Variants in PRKAG2 observed in about 807,000 individuals in gnomAD.
PRKAG2 encodes protein kinase AMP-activated non-catalytic subunit gamma 2.
Under a neutral mutation model 69.6 loss-of-function variants are expected in PRKAG2, and 26 were observed. The ratio of observed to expected loss-of-function variants is 0.37; its 90% CI spans 0.27 to 0.52. The LOEUF (loss-of-function observed/expected upper bound fraction) is 0.52. Among genes scored for constraint, PRKAG2 ranks in the 20% least tolerant of loss-of-function variants. The pLI is 0.90. For synonymous variants in PRKAG2, 293 were observed against 285.0 expected, an observed-to-expected ratio of 1.03 and a Z score of -0.28; for missense variants, 557 against 740.0, an observed-to-expected ratio of 0.75 and a Z score of 2.87.
intron 3 of PRKAG2, among the ~76,000 whole-genome samples, chr7:151,723,390 T>C (rs1797431764): frequency 6.6e-6 from 1 of 152,186 alleles, no homozygotes; most frequent in Admixed American, 6.5e-5. Context: ...AGACTTTTGT[T>C]CACTTGGCCT....
intron 8 of PRKAG2, 104 bp from the exon 9 acceptor site, chr7:151,572,813 G>T: frequency 5.2e-6 from 4 of 766,038 alleles, no homozygotes; most frequent in Non-Finnish European, 8.3e-6. Flanking sequence ...TTTTCTATTC[G>T]CAATTAGAAA....
chr7:151,692,654 G>C (rs1376196004), intron 3 of PRKAG2, among the ~76,000 whole-genome samples: 2 of 152,120 alleles, frequency 1.3e-5, no homozygotes, highest in Non-Finnish European at 2.9e-5. Flanking sequence ...ATGAGTTCGG[G>C]GGGGTTGTCT....
intron 4 of PRKAG2, among the ~76,000 whole-genome samples, chr7:151,652,289 T>C (rs1181162755): frequency 6.6e-6 from 1 of 152,200 alleles, no homozygotes; most frequent in Non-Finnish European, 1.5e-5. Context: ...CTCGATTTTC[T>C]TCATGTGCTT....
In PRKAG2 at chr7:151,576,393, C is replaced by A; in HGVS notation, c.924G>T (p.Glu308Asp). Residue 308 changes from glutamate to aspartate, a missense_variant, in exon 7 of 16, where the codon GAG (glutamate) becomes GAT (aspartate). By Grantham distance (45) the Glu-to-Asp change is conservative. This residue lies in a region of PRKAG2 where 205 missense variants were observed against 383.4 expected (regional missense o/e 0.53). Coordinates refer to ENST00000287878, the MANE Select transcript of PRKAG2 (RefSeq NM_016203.4). Reference sequence around the variant, plus strand: ...TACCTACAAAACTTTGTTTTTTACTCTCCCACAGTGGCGCTGCTCGGACAC... The same window carrying A: ...TACCTACAAAACTTTGTTTTTTACTATCCCACAGTGGCGCTGCTCGGACAC... ...ANGVRAAPLWESKKQSFVGML... is the reference protein window; with the variant it reads ...ANGVRAAPLWDSKKQSFVGML... 1.2e-6 allele frequency: 2 copies of A among 1,610,964 alleles called. No homozygotes were observed. Among genetic ancestry groups the A allele is most frequent in the Middle Eastern group, 1.7e-4 (1 of 6,056 alleles).
At chr7:151,688,303 C>T (rs1308275504) in intron 3 of PRKAG2, among the ~76,000 whole-genome samples, 2 of 152,142 alleles carry the variant, frequency 1.3e-5, no homozygotes, top group African/African-American at 2.4e-5. Flanking sequence ...GACTAGAGTT[C>T]GAGATTTCAG....
At chr7:151,830,795 G>T (rs1157713404) in intron 1 of PRKAG2, among the ~76,000 whole-genome samples, 2 of 148,610 alleles carry the variant, frequency 1.3e-5, no homozygotes, top group African/African-American at 2.5e-5. Context: ...GGCGGGGGGG[G>T]GTTGTGATGA....
intron 3 of PRKAG2, among the ~76,000 whole-genome samples, chr7:151,752,604 A>C (rs1012636805): frequency 2.0e-5 from 3 of 152,214 alleles, no homozygotes; most frequent in African/African-American, 7.2e-5. Context: ...GAGAAATAAC[A>C]TGGCACTGAA....
chr7:151,561,117 GCTAT>G (rs1335963374), intron 14 of PRKAG2, among the ~76,000 whole-genome samples: 1 of 152,076 alleles, frequency 6.6e-6, no homozygotes, highest in Non-Finnish European at 1.5e-5. Flanking sequence ...AGAGGGGAAA[GCTAT>G]CTATCTCCTG....
chr7:151,616,398 C>T (rs1161478597), intron 5 of PRKAG2, among the ~76,000 whole-genome samples: 1 of 152,218 alleles, frequency 6.6e-6, no homozygotes, highest in African/African-American at 2.4e-5. Flanking sequence ...TTTTAAAACA[C>T]ATATTCAAGG....
intron 1 of PRKAG2, among the ~76,000 whole-genome samples, chr7:151,855,315 ACC>A (rs2079719469): frequency 2.4e-3 from 1 of 412 alleles, no homozygotes; most frequent in Non-Finnish European, 3.7e-3. Context: ...CACACACACC[ACC>A]CTCCCACACA....
Position 151,567,604 on chromosome 7 carries a change from C to T in PRKAG2, c.1233+1112G>A, listed in dbSNP as rs755360793. Reference sequence around the variant, plus strand: ...CAGATGTCCAGTCTGATAAACAATGCGGATGCATCCCTAATCCCTTTTTCC... The same window carrying T: ...CAGATGTCCAGTCTGATAAACAATGTGGATGCATCCCTAATCCCTTTTTCC... On this transcript the variant is annotated intron_variant, in intron 11 of 15. Coordinates refer to ENST00000287878, the MANE Select transcript of PRKAG2 (RefSeq NM_016203.4). The surrounding 1 kb of genome is among the most constrained non-coding windows in gnomAD (Gnocchi z 4.2). Among the ~76,000 whole-genome samples the T allele has an allele frequency of 1.5e-4, 23 of 152,278 alleles. No homozygotes were observed. Among genetic ancestry groups the T allele is most frequent in the South Asian group, 8.3e-4 (4 of 4,824 alleles).
chr7:151,595,550 G>A (rs1042230628), intron 5 of PRKAG2, 96 bp from the exon 6 acceptor site: 3 of 858,236 alleles, frequency 3.5e-6, no homozygotes, highest in Non-Finnish European at 5.8e-6. Context: ...AGACTTAATG[G>A]TAAAATACGA....
chr7:151,674,864 G>A (rs1288830564), intron 4 of PRKAG2: 1 of 163,238 alleles, frequency 6.1e-6, no homozygotes, highest in Non-Finnish European at 1.3e-5. Flanking sequence ...AGAAGCTGAG[G>A]GGAAAAAAAC....
intron 3 of PRKAG2, among the ~76,000 whole-genome samples, chr7:151,690,507 AG>A (rs1718366486): frequency 1.3e-5 from 2 of 152,212 alleles, no homozygotes; most frequent in African/African-American, 4.8e-5. Flanking sequence ...TACTCCACAA[AG>A]GACCCAAGAG....
At chr7:151,804,855 C>T (rs1451351117) in intron 1 of PRKAG2, among the ~76,000 whole-genome samples, 7 of 152,202 alleles carry the variant, frequency 4.6e-5, no homozygotes, top group Non-Finnish European at 8.8e-5. Flanking sequence ...GTTGCGGCTG[C>T]TGTTCATAGA....
In PRKAG2 at chr7:151,843,486, T is replaced by C. The variant is rs1395685457; in HGVS notation, c.114+33021A>G. ...CTTCATTGTTGTTTTCCCAAAAGTT[T>C]CATGAATTATGTCACCAAAAAACTC... On this transcript the variant is annotated intron_variant, in intron 1 of 15. Coordinates refer to ENST00000287878, the MANE Select transcript of PRKAG2 (RefSeq NM_016203.4). 3.3e-5 allele frequency among the ~76,000 whole-genome samples: 5 copies of C among 152,228 alleles called. No individual in the cohort carries two copies. In the East Asian group the frequency reaches 9.6e-4, roughly 29 times the overall value.
chr7:151,689,401 T>C (rs1835299606), intron 3 of PRKAG2, among the ~76,000 whole-genome samples: 1 of 152,128 alleles, frequency 6.6e-6, no homozygotes, highest in South Asian at 2.1e-4. Flanking sequence ...CCTGGAAGTG[T>C]ATCCCAAGCC....
In PRKAG2 at chr7:151,649,942, A is replaced by G. The variant is rs562656776; in HGVS notation, c.685-17804T>C. 2.6e-5 allele frequency among the ~76,000 whole-genome samples: 4 copies of G among 152,324 alleles called. No individual in the cohort carries two copies. In the South Asian group the frequency reaches 6.2e-4, roughly 24 times the overall value. On this transcript the variant is annotated intron_variant, in intron 4 of 15. Transcript: ENST00000287878. ...GTGCTTTTTAAAGGGATATGCAGGTATCTAATTCTACATATCTGGAGGAAA... is the reference window on the plus strand; with the variant it reads ...GTGCTTTTTAAAGGGATATGCAGGTGTCTAATTCTACATATCTGGAGGAAA...
At chr7:151,784,780 G>A (rs1313283629) in intron 2 of PRKAG2, among the ~76,000 whole-genome samples, 1 of 152,178 alleles carries the variant, frequency 6.6e-6, no homozygotes, top group Non-Finnish European at 1.5e-5. Context: ...CAGTGGAGTC[G>A]GGCATCCAGG....
Sources: gnomAD v4.1 joint callset for allele counts (sites outside exome capture counted in the v4.1 genomes callset) on GRCh38, gnomAD v4.1.1 for gene constraint, gnomAD v4.1.1 regional missense constraint, Gnocchi (gnomAD v3.1) non-coding constraint, MANE v1.5 for transcripts, NCBI Gene and HGNC (gene_info 2026-07-23, HGNC 2026-07-21) for gene names.